The following SNTB1 variants were observed in gnomAD, a reference collection of about 807,000 sequenced individuals.
The protein encoded by SNTB1 is syntrophin beta 1, also known as beta-1-syntrophin.
In SNTB1, 36 loss-of-function variants were observed where a neutral mutation model predicts 48.9. The observed-to-expected ratio is 0.74, with a 90% confidence interval of 0.56 to 0.97. SNTB1 has a LOEUF of 0.97. Ranked by LOEUF, SNTB1 falls within the 50% of genes least tolerant of loss-of-function variation. The pLI is 0.00. For synonymous variants in SNTB1, 299 were observed against 294.6 expected, an observed-to-expected ratio of 1.01 and a Z score of -0.15; for missense variants, 786 against 703.4, an observed-to-expected ratio of 1.12 and a Z score of -1.33.
intron 1 of SNTB1, among the ~76,000 whole-genome samples, chr8:120,789,322 C>T (rs75798647): frequency 0.033 from 4,995 of 151,346 alleles, 296 homozygotes; most frequent in African/African-American, 0.11. Flanking sequence ...TAATGTCATG[C>T]CTCAAGGAAG....
chr8:120,798,855 T>C (rs1188830388), intron 1 of SNTB1, among the ~76,000 whole-genome samples: 1 of 152,056 alleles, frequency 6.6e-6, no homozygotes, highest in African/African-American at 2.4e-5. Context: ...TCTTTTAGAA[T>C]AAGGAATGTG....
chr8:120,736,078 G>A (rs1032885242), intron 1 of SNTB1, among the ~76,000 whole-genome samples: 1 of 152,144 alleles, frequency 6.6e-6, no homozygotes, highest in African/African-American at 2.4e-5. Context: ...CAAAGGGGAA[G>A]CAAGGCACCT....
intron 2 of SNTB1, among the ~76,000 whole-genome samples, chr8:120,692,467 G>A (rs889892826): frequency 2.0e-5 from 3 of 152,022 alleles, no homozygotes; most frequent in African/African-American, 4.8e-5. Context: ...TCGATCCCTC[G>A]CTTTCTTTAT....
intron 2 of SNTB1, among the ~76,000 whole-genome samples, chr8:120,633,771 T>C (rs1817023093): frequency 1.3e-5 from 2 of 152,216 alleles, no homozygotes; most frequent in African/African-American, 4.8e-5. Flanking sequence ...CGTTAACTTC[T>C]TATTTTGAAG....
chr8:120,726,218 C>T (rs775382452), intron 1 of SNTB1, among the ~76,000 whole-genome samples: 2 of 152,192 alleles, frequency 1.3e-5, no homozygotes, highest in East Asian at 1.9e-4. Context: ...TGTACACATA[C>T]ATTTCTGAAG....
Position 120,548,952 on chromosome 8 carries a change from G to T in SNTB1, c.1143C>A (p.Val381=), listed in dbSNP as rs751464905. The change falls in exon 5 of 7, where the codon GTC becomes GTA. Residue 381 remains valine (V), a synonymous_variant. Transcript: ENST00000517992. ...GTGATCCCTTTCCTGGACCTGAATGGACCAGCCTGGAGAGAGAGAGAGAGA... is the reference window on the plus strand; with the variant it reads ...GTGATCCCTTTCCTGGACCTGAATGTACCAGCCTGGAGAGAGAGAGAGAGA... ...HTYPLLATRL[V]HSGPGKGSPQ... 1.9e-6 allele frequency: 3 copies of T among 1,578,776 alleles called. No individual in the cohort carries two copies. Among genetic ancestry groups the T allele is most frequent in the African/African-American group, 1.4e-5 (1 of 74,026 alleles).
intron 2 of SNTB1, among the ~76,000 whole-genome samples, chr8:120,679,861 T>TTC (rs1028498778): frequency 4.6e-5 from 7 of 150,692 alleles, no homozygotes; most frequent in African/African-American, 1.7e-4. Flanking sequence ...CTTGAGATAT[T>TTC]TTTTTTTTTG....
At chr8:120,599,758 G>A (rs887945511) in intron 3 of SNTB1, among the ~76,000 whole-genome samples, 1 of 152,120 alleles carries the variant, frequency 6.6e-6, no homozygotes, top group Non-Finnish European at 1.5e-5. Context: ...TTTTTAAAAT[G>A]ATAGATGCTT....
intron 1 of SNTB1, among the ~76,000 whole-genome samples, chr8:120,753,979 T>C (rs1326935623): frequency 6.6e-6 from 1 of 152,192 alleles, no homozygotes; most frequent in African/African-American, 2.4e-5. Flanking sequence ...ATTTGTCTCA[T>C]CAATCTAAAT....
chr8:120,606,764 T>C (rs1000982841), intron 3 of SNTB1, among the ~76,000 whole-genome samples: 5 of 152,154 alleles, frequency 3.3e-5, no homozygotes, highest in East Asian at 1.9e-4. Flanking sequence ...TAAAGACCTA[T>C]ACAAATGTCC....
At chr8:120,737,289 G>A (rs1818962388) in intron 1 of SNTB1, among the ~76,000 whole-genome samples, 1 of 152,120 alleles carries the variant, frequency 6.6e-6, no homozygotes. Flanking sequence ...ACTTCATAGA[G>A]TTACTGCACT....
chr8:120,565,865 G>A (rs955923603), intron 4 of SNTB1, among the ~76,000 whole-genome samples: 1 of 152,184 alleles, frequency 6.6e-6, no homozygotes, highest in Non-Finnish European at 1.5e-5. Flanking sequence ...TTAAGGAGGT[G>A]ACTAGGTTAT....
chr8:120,632,673 G>A (rs749244391), intron 2 of SNTB1, 22 bp from the exon 3 acceptor site: 7 of 1,609,708 alleles, frequency 4.3e-6, no homozygotes, highest in African/African-American at 1.3e-5. Context: ...CAGAGAGAAG[G>A]GTTAGAAAGT....
chr8:120,807,484 T>A (rs1230549345), intron 1 of SNTB1, among the ~76,000 whole-genome samples: 1 of 152,244 alleles, frequency 6.6e-6, no homozygotes, highest in Non-Finnish European at 1.5e-5. Context: ...TGAAGATTCC[T>A]GATCTTAACT....
chr8:120,693,465 T>A (rs1818160497), intron 2 of SNTB1, among the ~76,000 whole-genome samples: 1 of 152,248 alleles, frequency 6.6e-6, no homozygotes, highest in Non-Finnish European at 1.5e-5. Flanking sequence ...ATTCCAGTTC[T>A]TTAACTCTTT....
chr8:120,725,305 A>G (rs1160003154), intron 1 of SNTB1, among the ~76,000 whole-genome samples: 1 of 152,172 alleles, frequency 6.6e-6, no homozygotes, highest in Non-Finnish European at 1.5e-5. Context: ...CAAAGTGGTA[A>G]CCAGCTCAGT....
At chr8:120,681,830 A>T (rs372636959) in intron 2 of SNTB1, among the ~76,000 whole-genome samples, 39 of 152,300 alleles carry the variant, frequency 2.6e-4, no homozygotes, top group African/African-American at 8.2e-4. Flanking sequence ...AAATGAACAG[A>T]TAGCAATGGA....
Position 120,545,646 on chromosome 8 carries a change from G to A in SNTB1, c.1333+3116C>T, listed in dbSNP as rs145380836. Among the ~76,000 whole-genome samples the A allele has an allele frequency of 6.6e-5, 10 of 152,332 alleles. No homozygotes were observed. The East Asian group carries it at 1.9e-3, about 29-fold the overall frequency. ...GGAAATCCTGTTCCTCTAAAGCAGA[G>A]CCGTACAACAGGGCTTTCTACTGTG... On this transcript the variant is annotated intron_variant, in intron 5 of 6. Transcript: ENST00000517992.
intron 3 of SNTB1, among the ~76,000 whole-genome samples, chr8:120,580,586 C>A (rs1473678550): frequency 6.6e-6 from 1 of 152,154 alleles, no homozygotes; most frequent in South Asian, 2.1e-4. Context: ...AAAACGTTCA[C>A]GAAGGAAGAA....
Sources: gnomAD v4.1 joint callset for allele counts (sites outside exome capture counted in the v4.1 genomes callset) on GRCh38, gnomAD v4.1.1 for gene constraint, MANE v1.5 for transcripts, NCBI Gene and HGNC (gene_info 2026-07-23, HGNC 2026-07-21) for gene names.